Variants in ZFPM2 observed in about 807,000 individuals in gnomAD.
The protein encoded by ZFPM2 is zinc finger protein ZFPM2.
A neutral mutation model predicts 98.6 loss-of-function variants in ZFPM2; 20 were observed. The ratio of observed to expected loss-of-function variants is 0.20; its 90% confidence interval spans 0.14 to 0.29. The LOEUF is 0.29. Ranked by LOEUF, ZFPM2 falls within the 10% of genes least tolerant of loss-of-function variation. ZFPM2 has a pLI of 1.00. For missense variants in ZFPM2, 1,310 were observed against 1,388.6 expected, an observed-to-expected ratio of 0.94 and a Z score of 0.90; for synonymous variants, 518 against 502.7, an observed-to-expected ratio of 1.03 and a Z score of -0.41.
At chr8:105,513,908 C>T (rs1813864405) in intron 3 of ZFPM2, among the ~76,000 whole-genome samples, 1 of 152,032 alleles carries the variant, frequency 6.6e-6, no homozygotes, top group Non-Finnish European at 1.5e-5. Context: ...CACTCTCATT[C>T]TGCAGAGTGC....
intron 4 of ZFPM2, among the ~76,000 whole-genome samples, chr8:105,632,080 G>A (rs1403575580): frequency 6.6e-6 from 1 of 152,152 alleles, no homozygotes; most frequent in African/African-American, 2.4e-5. Flanking sequence ...TAGGCTTCCT[G>A]AAATGGTGGA....
At chr8:105,372,852 T>A (rs754541688) in intron 1 of ZFPM2, among the ~76,000 whole-genome samples, 5 of 152,072 alleles carry the variant, frequency 3.3e-5, no homozygotes, top group Non-Finnish European at 7.4e-5. Flanking sequence ...GGAATTTTAA[T>A]GGGAAGCAAG....
intron 2 of ZFPM2, among the ~76,000 whole-genome samples, chr8:105,430,779 G>A (rs1812003721): frequency 6.6e-6 from 1 of 152,104 alleles, no homozygotes; most frequent in South Asian, 2.1e-4. Flanking sequence ...GAGGCTGATG[G>A]GACCTAGAAT....
intron 1 of ZFPM2, among the ~76,000 whole-genome samples, chr8:105,388,270 C>T (rs544686394): frequency 1.3e-5 from 2 of 151,278 alleles, no homozygotes; most frequent in South Asian, 4.2e-4. Context: ...GGGGGAACAA[C>T]TCATACCATT....
chr8:105,354,911 G>A (rs185856549), intron 1 of ZFPM2, among the ~76,000 whole-genome samples: 58 of 152,030 alleles, frequency 3.8e-4, no homozygotes, highest in African/African-American at 1.2e-3. Flanking sequence ...CCGAGATGGC[G>A]CCACTGCACT....
intron 1 of ZFPM2, chr8:105,387,007 T>A (rs1811005574): frequency 6.6e-6 from 1 of 152,528 alleles, no homozygotes; most frequent in Non-Finnish European, 1.5e-5. Context: ...TTTCCAAACC[T>A]TGAGCTAGAT....
chr8:105,760,042 G>A (rs914589590), intron 5 of ZFPM2, among the ~76,000 whole-genome samples: 1 of 151,946 alleles, frequency 6.6e-6, no homozygotes, highest in Admixed American at 6.6e-5. Context: ...AGAGTTCAGG[G>A]GCTTATCCAA....
chr8:105,375,611 C>T (rs1810710413), intron 1 of ZFPM2, among the ~76,000 whole-genome samples: 1 of 152,062 alleles, frequency 6.6e-6, no homozygotes, highest in African/African-American at 2.4e-5. Flanking sequence ...CTCCCTTCAC[C>T]AGTTGAGTAG....
chr8:105,555,582 C>T (rs1814968868), intron 3 of ZFPM2, among the ~76,000 whole-genome samples: 1 of 151,802 alleles, frequency 6.6e-6, no homozygotes, highest in South Asian at 2.1e-4. Flanking sequence ...CTATTAATTA[C>T]CAGGGAATAA....
Position 105,418,928 on chromosome 8 carries a change from A to G in ZFPM2, c.41-216A>G, listed in dbSNP as rs1811737311. 3 of 599,034 alleles carry G rather than the reference A, an allele frequency of 5.0e-6. No homozygotes were observed. In the South Asian group the frequency reaches 5.7e-5, roughly 11 times the overall value. The allele number at this position is 599,034 out of a possible 1,614,324, so 37.1% of individuals were successfully genotyped here. ...GGAGATGCAGGTTGCTTTCTGTGTT[A>G]TAACTTCTGACACTGGTTTCCTTGG... is the stretch of plus-strand genomic sequence containing the variant. On this transcript the variant is annotated intron_variant, in intron 1 of 7. Coordinates refer to ENST00000407775, the MANE Select transcript of ZFPM2 (RefSeq NM_012082.4).
chr8:105,777,320 T>C (rs1813124936), intron 5 of ZFPM2, among the ~76,000 whole-genome samples: 1 of 152,234 alleles, frequency 6.6e-6, no homozygotes, highest in African/African-American at 2.4e-5. Context: ...AAAGTTTGCG[T>C]TTTCATTTTC....
chr8:105,635,093 C>G (rs1241467212), intron 5 of ZFPM2, among the ~76,000 whole-genome samples: 1 of 152,170 alleles, frequency 6.6e-6, no homozygotes, highest in Non-Finnish European at 1.5e-5. Flanking sequence ...TTGGTCCTAG[C>G]TCTGTACTCT....
intron 1 of ZFPM2, among the ~76,000 whole-genome samples, chr8:105,379,132 A>T (rs530375198): frequency 2.2e-4 from 33 of 152,330 alleles, no homozygotes; most frequent in African/African-American, 7.5e-4. Flanking sequence ...ATTTCAAAAA[A>T]ATTGTTCTTG....
chr8:105,778,414 C>T (rs1209392053), intron 5 of ZFPM2, among the ~76,000 whole-genome samples: 1 of 151,960 alleles, frequency 6.6e-6, no homozygotes, highest in South Asian at 2.1e-4. Context: ...AATGACCAAA[C>T]AAGTAAGTAT....
intron 3 of ZFPM2, among the ~76,000 whole-genome samples, chr8:105,541,736 A>G (rs1241317677): frequency 5.9e-5 from 9 of 152,178 alleles, no homozygotes; most frequent in Non-Finnish European, 4.4e-5. Context: ...TTTCCATTTA[A>G]AACAGTATAG....
chr8:105,397,142 T>A (rs1234215472), intron 1 of ZFPM2, among the ~76,000 whole-genome samples: 6 of 152,188 alleles, frequency 3.9e-5, no homozygotes, highest in Non-Finnish European at 7.4e-5. Context: ...CTCACACTAC[T>A]CTTCCATCCC....
At chr8:105,563,196 C>T (rs1034625400) in intron 4 of ZFPM2, among the ~76,000 whole-genome samples, 2 of 152,152 alleles carry the variant, frequency 1.3e-5, no homozygotes, top group African/African-American at 2.4e-5. Context: ...TGATTTATTA[C>T]ATGAAGGAAA....
intron 3 of ZFPM2, among the ~76,000 whole-genome samples, chr8:105,545,861 A>G (rs1260150425): frequency 2.0e-5 from 3 of 152,154 alleles, no homozygotes; most frequent in South Asian, 2.1e-4. Flanking sequence ...ACTAATGCAT[A>G]AGTGCATTCC....
Position 105,400,010 on chromosome 8 carries a change from C to T in ZFPM2, c.41-19134C>T, listed in dbSNP as rs533852729. 8.5e-5 allele frequency among the ~76,000 whole-genome samples: 13 copies of T among 152,140 alleles called. 1 individual carries two copies. Among genetic ancestry groups the T allele is most frequent in the South Asian group, 6.2e-4 (3 of 4,818 alleles). On this transcript the variant is annotated intron_variant, in intron 1 of 7. Coordinates refer to ENST00000407775, the MANE Select transcript of ZFPM2 (RefSeq NM_012082.4). Reference sequence around the variant, plus strand: ...CTTGAAATCCTGACCTCAGGTAATCCGCTCGTCTCGGCCTCCCAAAGTGCT... The same window carrying T: ...CTTGAAATCCTGACCTCAGGTAATCTGCTCGTCTCGGCCTCCCAAAGTGCT...
Sources: gnomAD v4.1 joint callset for allele counts (sites outside exome capture counted in the v4.1 genomes callset) on GRCh38, gnomAD v4.1.1 for gene constraint, MANE v1.5 for transcripts, NCBI Gene and HGNC (gene_info 2026-07-23, HGNC 2026-07-21) for gene names.